The following ADAMTS19 variants were observed in gnomAD, a reference collection of about 807,000 sequenced individuals.
The protein encoded by ADAMTS19 is ADAM metallopeptidase with thrombospondin type 1 motif 19, also known as A disintegrin and metalloproteinase with thrombospondin motifs 19.
ADAMTS19 carries 93 observed loss-of-function variants against 153.3 expected under a neutral mutation model. The observed-to-expected ratio is 0.61, with a 90% confidence interval of 0.51 to 0.72. ADAMTS19 has a LOEUF of 0.72. Among genes scored for constraint, ADAMTS19 ranks in the 30% least tolerant of loss-of-function variants. ADAMTS19 has a pLI of 0.00. For synonymous variants in ADAMTS19, 600 were observed against 556.6 expected (o/e 1.08, Z -1.10); for missense variants, 1,482 against 1,552.1 (o/e 0.95, Z 0.76).
At chr5:129,544,584 C>T (rs1472184819) in intron 6 of ADAMTS19, among the ~76,000 whole-genome samples, 1 of 152,092 alleles carries the variant, frequency 6.6e-6, no homozygotes, top group Non-Finnish European at 1.5e-5. Flanking sequence ...ACAATAAGCG[C>T]ACTTTCACTT....
At chr5:129,561,535 C>CAA (rs147456879) in intron 7 of ADAMTS19, among the ~76,000 whole-genome samples, 44 of 75,070 alleles carry the variant, frequency 5.9e-4, no homozygotes, top group African/African-American at 1.5e-3. Context: ...GACTCCGTCT[C>CAA]AAAAAAAAAA....
At chr5:129,681,139 A>C (rs541547818) in intron 17 of ADAMTS19, among the ~76,000 whole-genome samples, 1 of 152,348 alleles carries the variant, frequency 6.6e-6, no homozygotes, top group Non-Finnish European at 1.5e-5. Context: ...CTAGTCTAGA[A>C]GCCAGAGGTT....
chr5:129,635,013 C>T (rs927639607), intron 10 of ADAMTS19, among the ~76,000 whole-genome samples: 1 of 151,820 alleles, frequency 6.6e-6, no homozygotes, highest in Non-Finnish European at 1.5e-5. Context: ...AAAATTTTTG[C>T]AAACTATGAA....
intron 7 of ADAMTS19, among the ~76,000 whole-genome samples, chr5:129,591,254 G>A (rs1750118092): frequency 6.7e-6 from 1 of 149,856 alleles, no homozygotes; most frequent in African/African-American, 2.5e-5. Context: ...ATCTTTATGT[G>A]TTAATGAACA....
chr5:129,619,923 A>C (rs944600629), intron 8 of ADAMTS19, among the ~76,000 whole-genome samples: 2 of 152,060 alleles, frequency 1.3e-5, no homozygotes, highest in Admixed American at 1.3e-4. Context: ...AGTAGCTAGC[A>C]AAAGCATAAA....
intron 8 of ADAMTS19, among the ~76,000 whole-genome samples, chr5:129,598,214 G>A (rs976421802): frequency 6.6e-6 from 1 of 152,102 alleles, no homozygotes; most frequent in African/African-American, 2.4e-5. Flanking sequence ...AGCCCATATG[G>A]CAACCATTCC....
chr5:129,543,166 T>C (rs544816341), intron 6 of ADAMTS19, among the ~76,000 whole-genome samples: 8 of 151,774 alleles, frequency 5.3e-5, no homozygotes, highest in Admixed American at 2.0e-4. Flanking sequence ...TCTCCTGCCT[T>C]AGCCTCTTCA....
intron 8 of ADAMTS19, among the ~76,000 whole-genome samples, chr5:129,619,386 C>G (rs1310096064): frequency 6.6e-6 from 1 of 151,830 alleles, no homozygotes; most frequent in African/African-American, 2.4e-5. Context: ...TATAAATTCC[C>G]TTATATGATT....
In ADAMTS19 at chr5:129,461,533, A is replaced by T. The variant is rs1314997680; in HGVS notation, c.523A>T (p.Ile175Phe). 2.0e-6 allele frequency: 3 copies of T among 1,530,146 alleles called. No individual in the cohort carries two copies. The highest frequency in any genetic ancestry group is 5.1e-5 in the East Asian group (2 of 39,272). The allele number at this position is 1,530,146 out of a possible 1,614,324, so 94.8% of individuals were successfully genotyped here. A position where few individuals can be genotyped will look rare whatever the true frequency, so the allele number is the denominator to read the frequency against. Residue 175 changes from isoleucine to phenylalanine, a missense_variant, in exon 2 of 23, where the codon ATC (isoleucine) becomes TTC (phenylalanine). Transcript: ENST00000274487. The surrounding 1 kb of genome is among the most constrained non-coding windows in gnomAD (Gnocchi z 4.6). Reference protein sequence around the residue: ...EPDGDEVLLRIPAFSRDLYLL... With the variant: ...EPDGDEVLLRFPAFSRDLYLL... ...GGATGGCGACGAAGTGTTGCTGCGG[A>T]TCCCGGCCTTCTCTCGGGACCTGTA...
At chr5:129,585,325 C>T (rs980872941) in intron 7 of ADAMTS19, among the ~76,000 whole-genome samples, 5 of 151,844 alleles carry the variant, frequency 3.3e-5, no homozygotes, top group Middle Eastern at 3.4e-3. Context: ...AGCTGCAGAC[C>T]GGAGCTGTTC....
intron 20 of ADAMTS19, among the ~76,000 whole-genome samples, chr5:129,702,262 T>C (rs770878115): frequency 4.6e-5 from 7 of 152,204 alleles, no homozygotes; most frequent in Non-Finnish European, 7.3e-5. Flanking sequence ...TAATAATAAA[T>C]GGCACTCATG....
chr5:129,631,160 G>GT (rs35770896), intron 10 of ADAMTS19, among the ~76,000 whole-genome samples: 3,834 of 127,644 alleles, frequency 0.03, 148 homozygotes, highest in African/African-American at 0.088. Context: ...AAAATTTTAG[G>GT]TTTTTTTTTT....
At chr5:129,624,153 A>G (rs1014313755) in intron 10 of ADAMTS19, among the ~76,000 whole-genome samples, 1 of 146,482 alleles carries the variant, frequency 6.8e-6, no homozygotes. Flanking sequence ...AAAAAAAAAA[A>G]GGCTGTACGG....
chr5:129,715,639 G>C lies in ADAMTS19; in HGVS notation c.3312+11248G>C, dbSNP rs184253681. Among the ~76,000 whole-genome samples, 164 of 152,292 alleles carry C rather than the reference G, an allele frequency of 1.1e-3. 2 individuals carry two copies. The highest frequency in any genetic ancestry group is 3.9e-3 in the African/African-American group (162 of 41,564). On this transcript the variant is annotated intron_variant, in intron 21 of 22. Transcript: ENST00000274487. ...GTAAGAAAGCAGGAGGTGTTAAGGA[G>C]AACTCCCAGGTTAGTTTTCTGGCCT... is the stretch of plus-strand genomic sequence containing the variant.
At position 129,545,996 on chromosome 5, in the gene ADAMTS19, A is replaced by G. The variant is rs1478450027; in HGVS notation, c.1329-5868A>G. On this transcript the variant is annotated intron_variant, in intron 6 of 22. Transcript: ENST00000274487. ...GACTTGGAACCAACCCAAATGTCCAACAATGATAGACTGGATTAAGAGAAT... is the reference window on the plus strand; with the variant it reads ...GACTTGGAACCAACCCAAATGTCCAGCAATGATAGACTGGATTAAGAGAAT... Among the ~76,000 whole-genome samples, 5 of 149,236 alleles carry G rather than the reference A, an allele frequency of 3.4e-5. No individual in the cohort carries two copies. The South Asian group carries it at 1.0e-3, about 31-fold the overall frequency.
intron 8 of ADAMTS19, among the ~76,000 whole-genome samples, chr5:129,600,986 C>T (rs1750623128): frequency 6.6e-6 from 1 of 151,998 alleles, no homozygotes; most frequent in South Asian, 2.1e-4. Flanking sequence ...TTCTCCTGCC[C>T]CAGCTTTCTG....
At chr5:129,479,118 T>C (rs1750325585) in intron 2 of ADAMTS19, among the ~76,000 whole-genome samples, 1 of 152,084 alleles carries the variant, frequency 6.6e-6, no homozygotes, top group Admixed American at 6.6e-5. Context: ...TGATGAGGCC[T>C]AGAGGTGAAA....
intron 2 of ADAMTS19, among the ~76,000 whole-genome samples, chr5:129,501,553 A>C (rs188496692): frequency 3.5e-4 from 54 of 152,194 alleles, no homozygotes; most frequent in Middle Eastern, 3.4e-3. Context: ...TTTTGAAATA[A>C]CACTTATATG....
At chr5:129,704,894 C>T (rs1012456281) in intron 21 of ADAMTS19, among the ~76,000 whole-genome samples, 4 of 151,920 alleles carry the variant, frequency 2.6e-5, no homozygotes, top group Non-Finnish European at 5.9e-5. Context: ...ATCAAGTGAA[C>T]ACAATTTATA....
Sources: allele counts gnomAD v4.1 joint callset (sites outside exome capture counted in the v4.1 genomes callset), GRCh38; gene constraint gnomAD v4.1.1; non-coding constraint Gnocchi (gnomAD v3.1); transcripts MANE v1.5; gene names NCBI Gene and HGNC (gene_info 2026-07-23, HGNC 2026-07-21).